The following RBPJL variants were observed in gnomAD, a reference collection of about 807,000 sequenced individuals.
RBPJL encodes recombining binding protein suppressor of hairless-like protein.
A neutral mutation model predicts 57.6 loss-of-function variants in RBPJL; 50 were observed. That is an observed-to-expected ratio of 0.87 (90% confidence interval 0.69 to 1.10). RBPJL has a LOEUF of 1.10. Among genes scored for constraint, RBPJL ranks in the 50% least tolerant of loss-of-function variants. The probability of loss-of-function intolerance (pLI) is 0.00; values close to 1 mark genes in which losing one functional copy is unlikely to be tolerated. For synonymous variants in RBPJL, 303 were observed against 294.4 expected, an observed-to-expected ratio of 1.03 and a Z score of -0.30; for missense variants, 684 against 693.7, an observed-to-expected ratio of 0.99 and a Z score of 0.16.
At position 45,316,685 on chromosome 20, in the gene RBPJL, G is replaced by A. The variant is rs947533772; in HGVS notation, c.1281-1G>A. The A allele has an allele frequency of 6.3e-7, 1 of 1,594,024 alleles. No homozygotes were observed. Among genetic ancestry groups the A allele is most frequent in the Non-Finnish European group, 8.5e-7 (1 of 1,169,704 alleles). On this transcript the variant is annotated splice_acceptor_variant, in intron 11 of 11. Transcript: ENST00000343694. LOFTEE classifies it high-confidence loss of function. Reference sequence around the variant, plus strand: ...CCCTCACCCTGGTGCTCCACCCCCAGGAGCCCGCGGTCCCTGGTGTGCGTG... The same window carrying A: ...CCCTCACCCTGGTGCTCCACCCCCAAGAGCCCGCGGTCCCTGGTGTGCGTG...
rs1987480193 is a variant in RBPJL, at chr20:45,316,585, G to A, written c.1280+5G>A. ...GGAGGCAGAAACCATGTACAGGTAC[G>A]GGGTGGTGAGGCAGCCTCTCTTGGG... On this transcript the variant is annotated splice_donor_5th_base_variant and intron_variant, in intron 11 of 11. Transcript: ENST00000343694. The A allele has an allele frequency of 6.6e-7, 1 of 1,522,610 alleles. No homozygotes were observed. Among genetic ancestry groups the A allele is most frequent in the Middle Eastern group, 2.0e-4 (1 of 5,032 alleles). 94.3% of individuals were successfully genotyped at this position (1,522,610 alleles called of 1,614,324 possible).
intron 9 of RBPJL, among the ~76,000 whole-genome samples, chr20:45,315,585 A>G (rs1600720658): frequency 6.6e-6 from 1 of 151,964 alleles, no homozygotes; most frequent in East Asian, 1.9e-4. Context: ...CTAAAAATAC[A>G]AAAAAATTAT....
intron 1 of RBPJL, among the ~76,000 whole-genome samples, chr20:45,307,783 T>A (rs1271149736): frequency 1.3e-5 from 2 of 152,098 alleles, no homozygotes; most frequent in African/African-American, 4.8e-5. Context: ...GAAGGGTACA[T>A]GGCGATGTCG....
chr20:45,316,231 C>G lies in RBPJL; in HGVS notation c.1065C>G (p.Asp355Glu). ...AGGCGAACAGGGCTCTGCTTAACGA[C>G]AGCTCTTGCTGGACCATCATCGGCA... is the stretch of plus-strand genomic sequence containing the variant. Reference protein sequence around the residue: ...PKEANRALLNDSSCWTIIGTE... With the variant: ...PKEANRALLNESSCWTIIGTE... The change falls in exon 10 of 12, where the codon GAC becomes GAG. Residue 355 changes from aspartate (D) to glutamate (E), a missense_variant. By Grantham distance (45) the Asp-to-Glu change is conservative. Transcript: ENST00000343694. The G allele has an allele frequency of 6.2e-7, 1 of 1,614,260 alleles. No individual in the cohort carries two copies. Among genetic ancestry groups the G allele is most frequent in the East Asian group, 2.2e-5 (1 of 44,884 alleles).
chr20:45,314,956 G>T (rs544361651), intron 9 of RBPJL, among the ~76,000 whole-genome samples: 1 of 152,066 alleles, frequency 6.6e-6, no homozygotes, highest in Non-Finnish European at 1.5e-5. Context: ...GGCAGTGGGC[G>T]CCTGTAATCT....
At chr20:45,307,001 A>ACCCCCCCCCCCCCCCCCCCCCC (rs562994913) in intron 1 of RBPJL, 57 bp downstream of exon 1, 1 of 720,924 alleles carries the variant, frequency 1.4e-6, no homozygotes, top group Non-Finnish European at 1.7e-6. Context: ...ACGAAGGACC[A>ACCCCCCCCCCCCCCCCCCCCCC]CCCCCCCACC....
At chr20:45,308,011 A>C in intron 1 of RBPJL, 132 bp from the exon 2 acceptor site, 1 of 615,238 alleles carries the variant, frequency 1.6e-6, no homozygotes, top group South Asian at 2.1e-5. Flanking sequence ...GATGGCTTTG[A>C]GGGTGGGGGC....
At chr20:45,313,395 T>G (rs1328320119) in intron 6 of RBPJL, 73 bp from the exon 7 acceptor site, 12 of 1,309,258 alleles carry the variant, frequency 9.2e-6, no homozygotes, top group Non-Finnish European at 1.2e-5. Flanking sequence ...ACCCCAATCC[T>G]AACCCTAACC....
In RBPJL at chr20:45,316,274, TC is replaced by T; in HGVS notation, c.1110del (p.Phe371SerfsTer21). The T allele has an allele frequency of 6.2e-7, 1 of 1,614,216 alleles. No individual in the cohort carries two copies. On this transcript the variant is annotated frameshift_variant, in exon 10 of 12. Coordinates refer to ENST00000343694, the MANE Select transcript of RBPJL (RefSeq NM_014276.4). LOFTEE classifies it high-confidence loss of function. ...CATCGGCACCGAGTCGGTGGAATTTTCCTTCAGCACCAGCCTGGCGTGTACC... is the reference window on the plus strand; with the variant it reads ...CATCGGCACCGAGTCGGTGGAATTTTCTTCAGCACCAGCCTGGCGTGTACC... ...TIIGTESVEF[S>X]FSTSLACTLE...
chr20:45,308,344 G>C (rs1806749864), intron 2 of RBPJL, 93 bp downstream of exon 2: 2 of 835,750 alleles, frequency 2.4e-6, no homozygotes, highest in Non-Finnish European at 4.0e-6. Flanking sequence ...GGGCTGGCGG[G>C]TGGGGAGGGG....
chr20:45,310,001 T>TGCTG (rs1987073127), intron 3 of RBPJL, among the ~76,000 whole-genome samples: 1 of 152,220 alleles, frequency 6.6e-6, no homozygotes, highest in African/African-American at 2.4e-5. Context: ...CTGTGGGTAC[T>TGCTG]GCTGGGCACT....
In RBPJL at chr20:45,311,516, A is replaced by G. The variant is rs536373235; in HGVS notation, c.258-73A>G. The G allele has an allele frequency of 4.2e-6, 6 of 1,421,550 alleles. No individual in the cohort carries two copies. The South Asian group carries it at 7.0e-5, about 17-fold the overall frequency. 88.1% of individuals were successfully genotyped at this position (1,421,550 alleles called of 1,614,324 possible). ...ACGAAGGTTCTGCTGGGTTTATGCT[A>G]CTACCTTGCCGTGCTTACAGGAGAG... On this transcript the variant is annotated intron_variant, in intron 3 of 11. Transcript: ENST00000343694.
At chr20:45,314,374 C>A (rs140933463) in intron 8 of RBPJL, 39 bp from the exon 9 acceptor site, 30,253 of 1,596,388 alleles carry the variant, frequency 0.019, 372 homozygotes, top group South Asian at 0.032. Flanking sequence ...GACGCCCGGG[C>A]TCCTTGCCAC....
chr20:45,317,071 C>A lies in RBPJL; in HGVS notation c.*112C>A. On this transcript the variant is annotated 3_prime_UTR_variant, in exon 12 of 12. Transcript: ENST00000343694. Reference sequence around the variant, plus strand: ...TCCTTGCCCCTTTGCTGCAGAAGGGCAGCTGAAGGCTCACCCTAGAAACCG... The same window carrying A: ...TCCTTGCCCCTTTGCTGCAGAAGGGAAGCTGAAGGCTCACCCTAGAAACCG... 7.5e-7 allele frequency: 1 copy of A among 1,328,322 alleles called. No homozygotes were observed. Among genetic ancestry groups the A allele is most frequent in the Non-Finnish European group, 1.0e-6 (1 of 975,052 alleles). The allele number at this position is 1,328,322 out of a possible 1,614,324, so 82.3% of individuals were successfully genotyped here. A position where few individuals can be genotyped will look rare whatever the true frequency, so the allele number is the denominator to read the frequency against.
At chr20:45,307,495 G>A (rs930022757) in intron 1 of RBPJL, among the ~76,000 whole-genome samples, 1 of 152,194 alleles carries the variant, frequency 6.6e-6, no homozygotes, top group African/African-American at 2.4e-5. Context: ...TTGGGCCACA[G>A]GCAAAGCCAA....
At position 45,311,966 on chromosome 20, in the gene RBPJL, C is replaced by T. The variant is rs1808829572; in HGVS notation, c.444+12C>T. ...AGCCGGACTCCAGGGTGAGAGCGCA[C>T]GGGAAGGGGTCCGATTCCTGCTCCC... On this transcript the variant is annotated intron_variant, in intron 5 of 11. Transcript: ENST00000343694. The T allele has an allele frequency of 3.9e-6, 6 of 1,537,550 alleles. No homozygotes were observed. Among genetic ancestry groups the T allele is most frequent in the African/African-American group, 1.4e-5 (1 of 72,866 alleles).
chr20:45,307,682 C>T (rs1281208066), intron 1 of RBPJL, among the ~76,000 whole-genome samples: 1 of 152,184 alleles, frequency 6.6e-6, no homozygotes, highest in East Asian at 1.9e-4. Flanking sequence ...CCTAGAAAGT[C>T]AAAATAGCAA....
chr20:45,313,424 C>G, intron 6 of RBPJL, 44 bp from the exon 7 acceptor site: 1 of 1,544,572 alleles, frequency 6.5e-7, no homozygotes, highest in Middle Eastern at 1.9e-4. Context: ...TCACCCTAAC[C>G]CTGACCCTCA....
Position 45,316,684 on chromosome 20 carries a change from A to G in RBPJL, c.1281-2A>G. 2 of 1,593,214 alleles carry G rather than the reference A, an allele frequency of 1.3e-6. No homozygotes were observed. The highest frequency in any genetic ancestry group is 8.6e-7 in the Non-Finnish European group (1 of 1,169,250). On this transcript the variant is annotated splice_acceptor_variant, in intron 11 of 11. Coordinates refer to ENST00000343694, the MANE Select transcript of RBPJL (RefSeq NM_014276.4). LOFTEE classifies it high-confidence loss of function. ...GCCCTCACCCTGGTGCTCCACCCCC[A>G]GGAGCCCGCGGTCCCTGGTGTGCGT...
Sources: gnomAD v4.1 joint callset for allele counts (sites outside exome capture counted in the v4.1 genomes callset) on GRCh38, gnomAD v4.1.1 for gene constraint, MANE v1.5 for transcripts, NCBI Gene and HGNC (gene_info 2026-07-23, HGNC 2026-07-21) for gene names.